Variants in PIK3CB observed in about 807,000 individuals in gnomAD.
The protein encoded by PIK3CB is phosphatidylinositol-4,5-bisphosphate 3-kinase catalytic subunit beta.
PIK3CB carries 39 observed loss-of-function variants against 136.8 expected under a neutral mutation model. The ratio of observed to expected loss-of-function variants is 0.29; its 90% CI spans 0.22 to 0.37. The LOEUF (loss-of-function observed/expected upper bound fraction) is 0.37. Among genes scored for constraint, PIK3CB ranks in the 10% least tolerant of loss-of-function variants. The probability of loss-of-function intolerance (pLI) is 1.00; values close to 1 mark genes in which losing one functional copy is unlikely to be tolerated. For missense variants in PIK3CB, 868 were observed against 1,275.4 expected, an observed-to-expected ratio of 0.68 and a Z score of 4.87; for synonymous variants, 428 against 436.6, an observed-to-expected ratio of 0.98 and a Z score of 0.25.
At chr3:138,673,324 TA>T (rs140005909) in intron 19 of PIK3CB, among the ~76,000 whole-genome samples, 4,976 of 151,462 alleles carry the variant, frequency 0.033, 275 homozygotes, top group African/African-American at 0.11. Flanking sequence ...AAAATGGTGA[TA>T]AAAAAAAGAA....
At chr3:138,730,750 C>T (rs2044954068) in intron 8 of PIK3CB, among the ~76,000 whole-genome samples, 1 of 151,930 alleles carries the variant, frequency 6.6e-6, no homozygotes, top group African/African-American at 2.4e-5. Context: ...TAGCAAGACC[C>T]TATCTCTATA....
At chr3:138,666,912 G>T (rs1448032678) in intron 19 of PIK3CB, among the ~76,000 whole-genome samples, 1 of 152,118 alleles carries the variant, frequency 6.6e-6, no homozygotes, top group Non-Finnish European at 1.5e-5. Flanking sequence ...AGTCAAAAAA[G>T]ACTTCCTGGC....
chr3:138,747,877 G>A (rs1345275011), intron 4 of PIK3CB, among the ~76,000 whole-genome samples: 1 of 152,016 alleles, frequency 6.6e-6, no homozygotes, highest in Non-Finnish European at 1.5e-5. Context: ...TTAATTTTTA[G>A]TCACTTCTGC....
At chr3:138,774,289 C>A (rs1414379548) in intron 2 of PIK3CB, among the ~76,000 whole-genome samples, 1 of 152,210 alleles carries the variant, frequency 6.6e-6, no homozygotes, top group African/African-American at 2.4e-5. Flanking sequence ...CTCCTACCAC[C>A]ATCTGACTTC....
chr3:138,759,351 C>A lies in PIK3CB; in HGVS notation c.-8G>T. 6.3e-7 allele frequency: 1 copy of A among 1,596,450 alleles called. No homozygotes were observed. Reference sequence around the variant, plus strand: ...TATGAAACTGAAGCACATTCATAACCACGGGGCCCTAGAAATCAGTAATTA... The same window carrying A: ...TATGAAACTGAAGCACATTCATAACAACGGGGCCCTAGAAATCAGTAATTA... On this transcript the variant is annotated 5_prime_UTR_variant, in exon 3 of 24. Transcript: ENST00000674063.
chr3:138,727,792 A>G (rs753414009), intron 8 of PIK3CB, among the ~76,000 whole-genome samples: 8 of 152,224 alleles, frequency 5.3e-5, no homozygotes, highest in Non-Finnish European at 1.0e-4. Context: ...TTGACACAAA[A>G]GAAACAGAAA....
Position 138,664,040 on chromosome 3 carries a change from G to A in PIK3CB, c.2673-11C>T. 1 of 1,612,328 alleles carries A rather than the reference G, an allele frequency of 6.2e-7. No individual in the cohort carries two copies. Among genetic ancestry groups the A allele is most frequent in the Non-Finnish European group, 8.5e-7 (1 of 1,179,584 alleles). On this transcript the variant is annotated splice_polypyrimidine_tract_variant and intron_variant, in intron 20 of 23. Coordinates refer to ENST00000674063, the MANE Select transcript of PIK3CB (RefSeq NM_006219.3). ...CGGTCCAGGTCATCCCTGAACAAGA[G>A]AAAAGAACAGAAGCAAAAAAGGTTT...
intron 21 of PIK3CB, among the ~76,000 whole-genome samples, chr3:138,658,721 T>C (rs2043234151): frequency 6.6e-6 from 1 of 152,232 alleles, no homozygotes. Context: ...ACATCAATAT[T>C]CAGTGTTTTT....
chr3:138,663,192 T>G (rs527425193), intron 21 of PIK3CB, among the ~76,000 whole-genome samples: 1 of 151,984 alleles, frequency 6.6e-6, no homozygotes, highest in Non-Finnish European at 1.5e-5. Flanking sequence ...GAATCTACAA[T>G]GAACTCAAAC....
chr3:138,803,124 C>T (rs1202336511), intron 1 of PIK3CB, among the ~76,000 whole-genome samples: 1 of 152,130 alleles, frequency 6.6e-6, no homozygotes, highest in African/African-American at 2.4e-5. Context: ...TTCTAAAGGG[C>T]ATCTTAAACT....
intron 10 of PIK3CB, among the ~76,000 whole-genome samples, chr3:138,708,629 G>C (rs552641615): frequency 6.7e-6 from 1 of 148,800 alleles, no homozygotes; most frequent in Non-Finnish European, 1.5e-5. Context: ...TTTTTTTAGA[G>C]ACGGGGTCTT....
chr3:138,683,657 G>T, intron 18 of PIK3CB, 21 bp downstream of exon 18: 1 of 1,197,632 alleles, frequency 8.3e-7, no homozygotes, highest in Non-Finnish European at 1.2e-6. Flanking sequence ...GAAATTTGAT[G>T]TTAAAAATCT....
rs1027999759 is a variant in PIK3CB, at chr3:138,805,762, G to A, written c.-121-9195C>T. 7.9e-5 allele frequency among the ~76,000 whole-genome samples: 12 copies of A among 151,256 alleles called. 1 individual carries two copies. Among genetic ancestry groups the A allele is most frequent in the Admixed American group, 5.9e-4 (9 of 15,184 alleles). ...TTGTTTTGTTTTTTGAGAGAGTCTC[G>A]CTCTGTCACCAGGCTGGAGTGCAGT... On this transcript the variant is annotated intron_variant, in intron 1 of 23. Transcript: ENST00000674063.
At chr3:138,721,829 C>T (rs1434309950) in intron 8 of PIK3CB, among the ~76,000 whole-genome samples, 1 of 152,106 alleles carries the variant, frequency 6.6e-6, no homozygotes, top group Non-Finnish European at 1.5e-5. Context: ...ATTTTGCCTA[C>T]TATAATATGA....
chr3:138,688,499 A>C (rs76295503), intron 16 of PIK3CB, among the ~76,000 whole-genome samples: 1 of 106,016 alleles, frequency 9.4e-6, no homozygotes, highest in Non-Finnish European at 2.0e-5. Context: ...AGACTCTGTC[A>C]CAAAAAAAAA....
chr3:138,758,489 G>A (rs1197102392), intron 3 of PIK3CB, among the ~76,000 whole-genome samples: 2 of 152,222 alleles, frequency 1.3e-5, no homozygotes, highest in African/African-American at 4.8e-5. Context: ...GGTGCACCAT[G>A]CATGAGCGTA....
chr3:138,686,106 T>G (rs1445658038), intron 16 of PIK3CB, among the ~76,000 whole-genome samples: 3 of 149,792 alleles, frequency 2.0e-5, no homozygotes, highest in African/African-American at 7.4e-5. Context: ...CACTACACTC[T>G]CCAGCCTGGG....
At chr3:138,778,144 G>T in intron 2 of PIK3CB, 1 of 434,202 alleles carries the variant, frequency 2.3e-6, no homozygotes, top group Non-Finnish European at 4.6e-6. Context: ...CTTGTAGAAG[G>T]CTGGGGCTCA....
Position 138,721,806 on chromosome 3 carries a change from G to A in PIK3CB, c.1051-7087C>T, listed in dbSNP as rs1355558904. Among the ~76,000 whole-genome samples, 5 of 152,130 alleles carry A rather than the reference G, an allele frequency of 3.3e-5. No homozygotes were observed. The South Asian group carries it at 8.3e-4, about 25-fold the overall frequency. On this transcript the variant is annotated intron_variant, in intron 8 of 23. Transcript: ENST00000674063. ...ACCTAGTGAAAGACATTATAAGAGAGATGAGAAGCATTATTTTGCCTACTA... is the reference window on the plus strand; with the variant it reads ...ACCTAGTGAAAGACATTATAAGAGAAATGAGAAGCATTATTTTGCCTACTA...
Sources: allele counts gnomAD v4.1 joint callset (sites outside exome capture counted in the v4.1 genomes callset), GRCh38; gene constraint gnomAD v4.1.1; transcripts MANE v1.5; gene names NCBI Gene and HGNC (gene_info 2026-07-23, HGNC 2026-07-21).